NBDY: variants seen among roughly 807,000 people sequenced by gnomAD.
NBDY encodes P-body dissociating protein.
intron 2 of NBDY, among the ~76,000 whole-genome samples, chrX:56,783,957 T>G (rs1314758795): frequency 8.9e-6 from 1 of 112,259 alleles, no homozygotes; most frequent in Non-Finnish European, 1.9e-5. Flanking sequence ...GTTCTCTGCC[T>G]CCCTCCTTCT....
intron 2 of NBDY, among the ~76,000 whole-genome samples, chrX:56,782,224 G>C: frequency 9.3e-6 from 1 of 107,609 alleles, no homozygotes; most frequent in East Asian, 2.9e-4. Flanking sequence ...TCTCTTTCTG[G>C]TTATTCTTCC....
chrX:56,808,605 T>C (rs891305139), intron 2 of NBDY, among the ~76,000 whole-genome samples: 2 of 112,257 alleles, frequency 1.8e-5, no homozygotes, highest in Non-Finnish European at 3.8e-5. Context: ...AGTGGTGATA[T>C]CCCCTTTATC....
chrX:56,816,711 A>G (rs1382111558), intron 2 of NBDY, among the ~76,000 whole-genome samples: 1 of 110,479 alleles, frequency 9.1e-6, no homozygotes, highest in Non-Finnish European at 1.9e-5. Context: ...TATTATTATA[A>G]ATACTATATA....
intron 2 of NBDY, among the ~76,000 whole-genome samples, chrX:56,806,879 A>T (rs2146740941): frequency 8.9e-6 from 1 of 112,024 alleles, no homozygotes; most frequent in South Asian, 3.7e-4. Flanking sequence ...TTAGTCATGA[A>T]GTCTTTGCCC....
intron 2 of NBDY, among the ~76,000 whole-genome samples, chrX:56,806,459 C>A (rs1459578033): frequency 8.9e-6 from 1 of 112,170 alleles, no homozygotes; most frequent in Non-Finnish European, 1.9e-5. Context: ...ATTCTTATTT[C>A]TCCACATCCT....
At chrX:56,743,774 A>T (rs1360319556) in intron 2 of NBDY, among the ~76,000 whole-genome samples, 1 of 109,661 alleles carries the variant, frequency 9.1e-6, no homozygotes, top group Non-Finnish European at 1.9e-5. Flanking sequence ...TCTTCATTCC[A>T]ATTTCATTTA....
chrX:56,741,300 A>G (rs774162118), intron 2 of NBDY, among the ~76,000 whole-genome samples: 1 of 111,989 alleles, frequency 8.9e-6, no homozygotes, highest in South Asian at 3.7e-4. Context: ...TGCAACAAAC[A>G]TGGGAGTGCA....
At chrX:56,732,928 C>T (rs1256053076) in intron 2 of NBDY, among the ~76,000 whole-genome samples, 1 of 108,599 alleles carries the variant, frequency 9.2e-6, no homozygotes, top group Admixed American at 1.0e-4. Context: ...TTTCATCGAG[C>T]CTCGTCATTG....
Position 56,791,862 on chromosome X carries a change from TTCC to T in NBDY, c.*167-25444_*167-25442del, listed in dbSNP as rs554897110. Among the ~76,000 whole-genome samples, 130 of 110,157 alleles carry T rather than the reference TTCC, an allele frequency of 1.2e-3. 1 individual carries two copies. The highest frequency in any genetic ancestry group is 5.7e-3 in the East Asian group (20 of 3,525). On this transcript the variant is annotated intron_variant, in intron 2 of 2. Transcript: ENST00000374922. ...CCTCCATCTTCTTCTACTCCTATTT[TTCC>T]TCCTCCTCCTCCTTCTTCTTCTTAT...
chrX:56,740,476 A>G (rs1190106510), intron 2 of NBDY, among the ~76,000 whole-genome samples: 1 of 111,450 alleles, frequency 9.0e-6, no homozygotes, highest in African/African-American at 3.3e-5. Flanking sequence ...ATTAAATTTA[A>G]CTGTGTTGTT....
At chrX:56,790,570 G>T (rs2069756966) in intron 2 of NBDY, among the ~76,000 whole-genome samples, 1 of 112,454 alleles carries the variant, frequency 8.9e-6, no homozygotes, top group Non-Finnish European at 1.9e-5. Context: ...CCCTGCCTAG[G>T]TACAATGGGA....
Position 56,792,858 on chromosome X carries a change from C to T in NBDY, c.*167-24462C>T, listed in dbSNP as rs185412447. On this transcript the variant is annotated intron_variant, in intron 2 of 2. Coordinates refer to ENST00000374922, the MANE Select transcript of NBDY (RefSeq NM_001348129.2). The stretch of plus-strand genomic sequence containing the variant: ...TGGGAAGTCTGTTATCAGATAGGCC[C>T]AAGCAGCAGGTGTGAAACTGGAGCA... Among the ~76,000 whole-genome samples the T allele has an allele frequency of 3.6e-5, 4 of 111,509 alleles. No individual in the cohort carries two copies. In the East Asian group the frequency reaches 1.1e-3, roughly 32 times the overall value.
intron 2 of NBDY, among the ~76,000 whole-genome samples, chrX:56,813,051 G>A (rs1192273562): frequency 9.0e-6 from 1 of 110,828 alleles, no homozygotes; most frequent in Non-Finnish European, 1.9e-5. Context: ...GCTGTGAGGG[G>A]AGGGGGAGGG....
At chrX:56,756,863 T>A (rs2069613954) in intron 2 of NBDY, among the ~76,000 whole-genome samples, 1 of 110,371 alleles carries the variant, frequency 9.1e-6, no homozygotes, top group Admixed American at 9.7e-5. Flanking sequence ...GGCTGAGGCA[T>A]GAGAATCACT....
chrX:56,801,923 TACAC>T (rs1423882818), intron 2 of NBDY, among the ~76,000 whole-genome samples: 1 of 107,122 alleles, frequency 9.3e-6, no homozygotes, highest in Non-Finnish European at 1.9e-5. Flanking sequence ...CACAGGGAGA[TACAC>T]ACACAGACAC....
intron 2 of NBDY, among the ~76,000 whole-genome samples, chrX:56,745,358 CAT>C (rs935216377): frequency 4.5e-5 from 5 of 110,663 alleles, no homozygotes; most frequent in Non-Finnish European, 9.5e-5. Flanking sequence ...ACTTTAGATT[CAT>C]CAGGGCATCA....
chrX:56,813,466 C>T (rs750558362), intron 2 of NBDY, among the ~76,000 whole-genome samples: 26 of 111,141 alleles, frequency 2.3e-4, no homozygotes, highest in Admixed American at 7.7e-4. Context: ...CAGATGCCCA[C>T]AGACCACAGA....
intron 2 of NBDY, among the ~76,000 whole-genome samples, chrX:56,752,167 G>A (rs945953616): frequency 1.8e-5 from 2 of 112,099 alleles, no homozygotes; most frequent in Middle Eastern, 4.2e-3. Flanking sequence ...GTGAACATAC[G>A]AGTGCTTGTG....
chrX:56,810,958 G>A (rs1474681367), intron 2 of NBDY: 1 of 111,983 alleles, frequency 8.9e-6, no homozygotes, highest in Non-Finnish European at 1.9e-5. Flanking sequence ...TTCTGTTGAT[G>A]TTGATACTAT....
Sources: gnomAD v4.1 joint callset for allele counts (sites outside exome capture counted in the v4.1 genomes callset) on GRCh38, gnomAD v4.1.1 for gene constraint, MANE v1.5 for transcripts, NCBI Gene and HGNC (gene_info 2026-07-23, HGNC 2026-07-21) for gene names.